EXOC4: variants seen among roughly 807,000 people sequenced by gnomAD.
EXOC4 encodes the protein SEC8-like 1.
A neutral mutation model predicts 107.2 loss-of-function variants in EXOC4; 71 were observed. The ratio of observed to expected loss-of-function variants is 0.66; its 90% confidence interval spans 0.55 to 0.81. The LOEUF (loss-of-function observed/expected upper bound fraction) is 0.81. Among genes scored for constraint, EXOC4 ranks in the 30% least tolerant of loss-of-function variants. The pLI is 0.00. For missense variants in EXOC4, 1,108 were observed against 1,189.6 expected, an observed-to-expected ratio of 0.93 and a Z score of 1.01; for synonymous variants, 456 against 441.2, an observed-to-expected ratio of 1.03 and a Z score of -0.42.
At chr7:133,997,728 G>A in intron 15 of EXOC4, 95 bp downstream of exon 15, 1 of 1,405,846 alleles carries the variant, frequency 7.1e-7, no homozygotes. Flanking sequence ...ATAATTTCTG[G>A]CTCATATTAT....
At chr7:134,064,163 G>A in intron 17 of EXOC4, 128 bp from the exon 18 acceptor site, 1 of 544,768 alleles carries the variant, frequency 1.8e-6, no homozygotes, top group African/African-American at 1.9e-5. Context: ...GTGGGGCCTA[G>A]AACACTGCCT....
chr7:133,387,443 A>T (rs985380371), intron 7 of EXOC4, among the ~76,000 whole-genome samples: 1 of 152,216 alleles, frequency 6.6e-6, no homozygotes, highest in East Asian at 1.9e-4. Context: ...AGTTTTATTT[A>T]GAGTAGCAGC....
In EXOC4 at chr7:133,351,588, A is replaced by G. The variant is rs1358554590; in HGVS notation, c.764-4742A>G. Among the ~76,000 whole-genome samples, 4 of 151,676 alleles carry G rather than the reference A, an allele frequency of 2.6e-5. No individual in the cohort carries two copies. In the East Asian group the frequency reaches 7.7e-4, roughly 29 times the overall value. ...GTCGTCTCTATTTTTTTCTTAGTTCACCTGGCTAAAGATTTGTTATTTTTG... is the reference window on the plus strand; with the variant it reads ...GTCGTCTCTATTTTTTTCTTAGTTCGCCTGGCTAAAGATTTGTTATTTTTG... On this transcript the variant is annotated intron_variant, in intron 5 of 17. Transcript: ENST00000253861.
At chr7:133,363,173 A>G (rs1018356763) in intron 6 of EXOC4, among the ~76,000 whole-genome samples, 6 of 152,222 alleles carry the variant, frequency 3.9e-5, no homozygotes, top group African/African-American at 1.4e-4. Flanking sequence ...CAACTATTTA[A>G]TATTGAAGGG....
At chr7:133,691,832 T>TAG (rs1794427276) in intron 10 of EXOC4, among the ~76,000 whole-genome samples, 1 of 152,160 alleles carries the variant, frequency 6.6e-6, no homozygotes, top group Non-Finnish European at 1.5e-5. Flanking sequence ...TTAGCACATT[T>TAG]CAGAAATTGA....
rs531859092 is a variant in EXOC4, at chr7:133,946,161, C to G, written c.2206+8092C>G. ...TTTCTATGGTTAGACTTTCCGTGCC[C>G]TTCATCGTTTTTCATTCTTAGTAGT... On this transcript the variant is annotated intron_variant, in intron 14 of 17. Transcript: ENST00000253861. 4.6e-5 allele frequency among the ~76,000 whole-genome samples: 7 copies of G among 152,208 alleles called. No individual in the cohort carries two copies. The East Asian group carries it at 1.4e-3, about 29-fold the overall frequency.
At chr7:133,490,547 AGGCTC>A (rs1799352789) in intron 9 of EXOC4, among the ~76,000 whole-genome samples, 1 of 152,224 alleles carries the variant, frequency 6.6e-6, no homozygotes, top group African/African-American at 2.4e-5. Context: ...ATGAGAGTAT[AGGCTC>A]TTCTCTCATC....
chr7:133,802,310 G>T (rs1405856921), intron 10 of EXOC4, among the ~76,000 whole-genome samples: 3 of 152,238 alleles, frequency 2.0e-5, no homozygotes, highest in Admixed American at 2.0e-4. Flanking sequence ...TGAGGTTCAA[G>T]TATGTGAAAG....
chr7:133,578,789 T>C (rs767759652), intron 9 of EXOC4, among the ~76,000 whole-genome samples: 65 of 152,244 alleles, frequency 4.3e-4, no homozygotes, highest in Non-Finnish European at 7.1e-4. Context: ...TAGTGTTACA[T>C]TCTGCTTGTT....
intron 9 of EXOC4, among the ~76,000 whole-genome samples, chr7:133,606,517 A>ATTAT (rs781270561): frequency 0.015 from 2,003 of 136,864 alleles, 63 homozygotes; most frequent in African/African-American, 0.057. Flanking sequence ...TATTATTATT[A>ATTAT]TTTTTTTTTT....
the EXOC4 span, among the ~76,000 whole-genome samples, chr7:134,088,872 T>G: frequency 6.6e-6 from 1 of 152,190 alleles, no homozygotes; most frequent in Non-Finnish European, 1.5e-5. Flanking sequence ...TTTATTATAT[T>G]TGTCAGTGCT....
chr7:133,711,070 A>AT (rs376048822), intron 10 of EXOC4, among the ~76,000 whole-genome samples: 1 of 152,318 alleles, frequency 6.6e-6, no homozygotes, highest in Non-Finnish European at 1.5e-5. Context: ...GAACTGTATC[A>AT]TTTTTTACTG....
chr7:134,038,077 A>G (rs1795432676), intron 17 of EXOC4, among the ~76,000 whole-genome samples: 1 of 152,194 alleles, frequency 6.6e-6, no homozygotes, highest in Non-Finnish European at 1.5e-5. Flanking sequence ...ACTATGGACC[A>G]CTCAGTAGAA....
chr7:133,997,803 A>C (rs1794433284), intron 15 of EXOC4, among the ~76,000 whole-genome samples, 170 bp downstream of exon 15: 1 of 152,152 alleles, frequency 6.6e-6, no homozygotes, highest in Non-Finnish European at 1.5e-5. Flanking sequence ...TTGAGCGCAC[A>C]GTGTATTGTG....
At chr7:133,979,261 A>C (rs1793915623) in intron 14 of EXOC4, among the ~76,000 whole-genome samples, 1 of 152,168 alleles carries the variant, frequency 6.6e-6, no homozygotes, top group Admixed American at 6.5e-5. Flanking sequence ...GTTTAGATTC[A>C]GAATCATTAC....
At chr7:134,057,464 A>C (rs913990460) in intron 17 of EXOC4, among the ~76,000 whole-genome samples, 7 of 152,106 alleles carry the variant, frequency 4.6e-5, no homozygotes, top group Admixed American at 4.6e-4. Context: ...TAGTTTTCTC[A>C]TTCCTAAAAT....
Position 133,281,688 on chromosome 7 carries a change from A to G in EXOC4, c.276+6517A>G, listed in dbSNP as rs115974631. Among the ~76,000 whole-genome samples the G allele has an allele frequency of 2.6e-3, 387 of 149,516 alleles. 5 individuals carry two copies. Among genetic ancestry groups the G allele is most frequent in the African/African-American group, 8.9e-3 (362 of 40,854 alleles). On this transcript the variant is annotated intron_variant, in intron 2 of 17. Coordinates refer to ENST00000253861, the MANE Select transcript of EXOC4 (RefSeq NM_021807.4). ...TTTATCTTTTCCTTGATCCAAATTC[A>G]GTACTTTTCTTTTCTATTTTTTTTT...
At position 133,853,850 on chromosome 7, in the gene EXOC4, A is replaced by G. The variant is rs115994025; in HGVS notation, c.1734+36306A>G. On this transcript the variant is annotated intron_variant, in intron 11 of 17. Coordinates refer to ENST00000253861, the MANE Select transcript of EXOC4 (RefSeq NM_021807.4). Reference sequence around the variant, plus strand: ...CCGAGAAGAACTTGCTGGTTCCTGTAAGCCGAGCAGCCTGTTTGTGCTGTG... The same window carrying G: ...CCGAGAAGAACTTGCTGGTTCCTGTGAGCCGAGCAGCCTGTTTGTGCTGTG... 2.4e-3 allele frequency among the ~76,000 whole-genome samples: 366 copies of G among 152,330 alleles called. 5 individuals are homozygous for G. The highest frequency in any genetic ancestry group is 8.2e-3 in the African/African-American group (342 of 41,570).
intron 17 of EXOC4, among the ~76,000 whole-genome samples, chr7:134,020,983 C>CAAA (rs34211829): frequency 2.2e-3 from 300 of 135,656 alleles, no homozygotes; most frequent in African/African-American, 8.1e-3. Flanking sequence ...AAGACTGTCT[C>CAAA]AAAAAAAAAA....
Sources: gnomAD v4.1 joint callset for allele counts (sites outside exome capture counted in the v4.1 genomes callset) on GRCh38, gnomAD v4.1.1 for gene constraint, MANE v1.5 for transcripts, NCBI Gene and HGNC (gene_info 2026-07-23, HGNC 2026-07-21) for gene names.